The following RALYL variants were observed in gnomAD, a reference collection of about 807,000 sequenced individuals.
RALYL encodes RNA-binding Raly-like protein.
Under a neutral mutation model 35.1 loss-of-function variants are expected in RALYL, and 29 were observed. The observed-to-expected ratio is 0.83, with a 90% CI of 0.61 to 1.13. RALYL has a LOEUF of 1.13. RALYL is among the 50% of genes most tolerant of loss of function. RALYL has a pLI of 0.00. For synonymous variants in RALYL, 120 were observed against 127.6 expected (o/e 0.94, Z 0.40); for missense variants, 359 against 360.4 (o/e 1.00, Z 0.03).
intron 1 of RALYL, among the ~76,000 whole-genome samples, chr8:84,216,602 A>C (rs1820895539): frequency 6.6e-6 from 1 of 152,004 alleles, no homozygotes. Context: ...GAGGTCCCTG[A>C]TGCAGACTCT....
At chr8:84,432,117 T>C (rs115018109) in intron 1 of RALYL, among the ~76,000 whole-genome samples, 2,527 of 152,210 alleles carry the variant, frequency 0.017, 69 homozygotes, top group African/African-American at 0.057. Context: ...GTCTCAGAGA[T>C]TGTTTGCGCT....
intron 2 of RALYL, among the ~76,000 whole-genome samples, chr8:84,755,451 A>G (rs1442328342): frequency 6.6e-6 from 1 of 152,214 alleles, no homozygotes; most frequent in East Asian, 1.9e-4. Context: ...TATTTGCTGT[A>G]TCACTGTACC....
chr8:84,773,550 G>C lies in RALYL; in HGVS notation c.257-1029G>C, dbSNP rs1179828552. Reference sequence around the variant, plus strand: ...TTAACAGTTTTACATATTTCTTTAAGATTGAGGTTGGTCAGTTGTATGCAT... The same window carrying C: ...TTAACAGTTTTACATATTTCTTTAACATTGAGGTTGGTCAGTTGTATGCAT... On this transcript the variant is annotated intron_variant, in intron 2 of 8. Coordinates refer to ENST00000521268, the MANE Select transcript of RALYL (RefSeq NM_173848.7). Among the ~76,000 whole-genome samples the C allele has an allele frequency of 2.6e-5, 4 of 152,048 alleles. No homozygotes were observed. In the East Asian group the frequency reaches 7.7e-4, roughly 29 times the overall value.
At chr8:84,493,035 G>T (rs2055529134) in intron 1 of RALYL, among the ~76,000 whole-genome samples, 2 of 151,960 alleles carry the variant, frequency 1.3e-5, no homozygotes, top group African/African-American at 4.8e-5. Flanking sequence ...AGCCCCGCAT[G>T]CATTAACTAT....
intron 1 of RALYL, among the ~76,000 whole-genome samples, chr8:84,480,964 T>G (rs905095074): frequency 6.6e-6 from 1 of 152,184 alleles, no homozygotes; most frequent in African/African-American, 2.4e-5. Context: ...GCATTGTTTT[T>G]ATACTATTTT....
At chr8:84,361,358 C>T (rs960720211) in intron 1 of RALYL, among the ~76,000 whole-genome samples, 1 of 152,084 alleles carries the variant, frequency 6.6e-6, no homozygotes, top group Admixed American at 6.6e-5. Context: ...GCAGCAGGCA[C>T]TCAGGTCAGA....
At chr8:84,561,005 G>A (rs1224983941) in intron 2 of RALYL, among the ~76,000 whole-genome samples, 2 of 152,038 alleles carry the variant, frequency 1.3e-5, no homozygotes, top group Non-Finnish European at 2.9e-5. Context: ...AATCCTAGAA[G>A]TTTGAATGTA....
At chr8:84,610,795 C>G (rs1222846420) in intron 2 of RALYL, among the ~76,000 whole-genome samples, 2 of 152,100 alleles carry the variant, frequency 1.3e-5, no homozygotes, top group Non-Finnish European at 2.9e-5. Flanking sequence ...TTTTGTTACT[C>G]AAATACTTCC....
At chr8:84,721,474 A>G (rs1314979949) in intron 2 of RALYL, among the ~76,000 whole-genome samples, 2 of 152,154 alleles carry the variant, frequency 1.3e-5, no homozygotes, top group Non-Finnish European at 2.9e-5. Flanking sequence ...AGATTATTTT[A>G]TCATTTTAAG....
At chr8:84,534,255 C>T (rs1221831677) in intron 2 of RALYL, among the ~76,000 whole-genome samples, 1 of 152,212 alleles carries the variant, frequency 6.6e-6, no homozygotes, top group Non-Finnish European at 1.5e-5. Context: ...GAAAGTTCTT[C>T]CCTATGAAGC....
At chr8:84,807,796 T>C (rs1825006291) in intron 4 of RALYL, among the ~76,000 whole-genome samples, 1 of 152,238 alleles carries the variant, frequency 6.6e-6, no homozygotes, top group South Asian at 2.1e-4. Flanking sequence ...ATATGTTTCT[T>C]GGCCATTTGT....
intron 1 of RALYL, among the ~76,000 whole-genome samples, chr8:84,240,488 A>G (rs10112333): frequency 0.52 from 78,556 of 152,088 alleles, 20,478 homozygotes; most frequent in South Asian, 0.6. Flanking sequence ...ATATCTTCAA[A>G]TAACATGCAT....
At chr8:84,272,606 A>G (rs1834547936) in intron 1 of RALYL, among the ~76,000 whole-genome samples, 1 of 152,210 alleles carries the variant, frequency 6.6e-6, no homozygotes, top group African/African-American at 2.4e-5. Flanking sequence ...ACTAGCATAC[A>G]TGTAATAATT....
chr8:84,709,851 A>G (rs1040376167), intron 2 of RALYL, among the ~76,000 whole-genome samples: 1 of 152,162 alleles, frequency 6.6e-6, no homozygotes, highest in Non-Finnish European at 1.5e-5. Flanking sequence ...ACTTGAGTTC[A>G]GGAGTTCAAG....
chr8:84,602,221 T>TA (rs1816137856), intron 2 of RALYL, among the ~76,000 whole-genome samples: 1 of 152,056 alleles, frequency 6.6e-6, no homozygotes, highest in African/African-American at 2.4e-5. Context: ...AAATTCAAAA[T>TA]ATCCAATAAC....
chr8:84,567,490 C>A (rs556030221), intron 2 of RALYL, among the ~76,000 whole-genome samples: 3 of 151,718 alleles, frequency 2.0e-5, no homozygotes, highest in Admixed American at 2.0e-4. Context: ...AGATATTTTA[C>A]TTAGGTCTCC....
chr8:84,820,230 T>C (rs1435692749), intron 4 of RALYL, among the ~76,000 whole-genome samples: 1 of 152,210 alleles, frequency 6.6e-6, no homozygotes, highest in Admixed American at 6.5e-5. Flanking sequence ...TTATTTATTT[T>C]TAAAAAGCAA....
At chr8:84,551,986 G>GA (rs1049555790) in intron 2 of RALYL, among the ~76,000 whole-genome samples, 28 of 151,412 alleles carry the variant, frequency 1.8e-4, no homozygotes, top group African/African-American at 3.6e-4. Flanking sequence ...AGAATAACAG[G>GA]AAAAAAAATA....
At chr8:84,804,917 G>T in intron 4 of RALYL, 115 bp downstream of exon 4, 1 of 481,068 alleles carries the variant, frequency 2.1e-6, no homozygotes. Context: ...ACATATCAGT[G>T]CATGCAACAT....
Sources: gnomAD v4.1 joint callset for allele counts (sites outside exome capture counted in the v4.1 genomes callset) on GRCh38, gnomAD v4.1.1 for gene constraint, MANE v1.5 for transcripts, NCBI Gene and HGNC (gene_info 2026-07-23, HGNC 2026-07-21) for gene names.